The following NEDD4L variants were observed in gnomAD, a reference collection of about 807,000 sequenced individuals.
NEDD4L encodes NEDD4 like E3 ubiquitin protein ligase.
NEDD4L carries 54 observed loss-of-function variants against 148.9 expected under a neutral mutation model. The ratio of observed to expected loss-of-function variants is 0.36; its 90% confidence interval spans 0.29 to 0.45. NEDD4L has a LOEUF of 0.45. NEDD4L is among the 20% of genes least tolerant of loss of function. The probability of loss-of-function intolerance (pLI) is 1.00; values close to 1 mark genes in which losing one functional copy is unlikely to be tolerated. For synonymous variants in NEDD4L, 433 were observed against 440.7 expected (o/e 0.98, Z 0.22); for missense variants, 856 against 1,233.8 (o/e 0.69, Z 4.59).
chr18:58,169,453 G>A (rs1430717770), intron 2 of NEDD4L, among the ~76,000 whole-genome samples: 3 of 151,946 alleles, frequency 2.0e-5, no homozygotes, highest in Non-Finnish European at 4.4e-5. Flanking sequence ...GATGTAAATT[G>A]AGACTGCAGT....
chr18:58,208,123 G>T, intron 2 of NEDD4L, among the ~76,000 whole-genome samples: 1 of 152,274 alleles, frequency 6.6e-6, no homozygotes, highest in Middle Eastern at 3.4e-3. Flanking sequence ...CTACCAAAGA[G>T]TTCCTGTTCT....
At chr18:58,240,968 C>T (rs536855242) in intron 2 of NEDD4L, among the ~76,000 whole-genome samples, 1 of 152,236 alleles carries the variant, frequency 6.6e-6, no homozygotes, top group South Asian at 2.1e-4. Context: ...CACCACCACA[C>T]CCAGCTAATT....
chr18:58,381,241 C>G (rs1031180158), intron 24 of NEDD4L, among the ~76,000 whole-genome samples: 1 of 152,172 alleles, frequency 6.6e-6, no homozygotes, highest in African/African-American at 2.4e-5. Flanking sequence ...CAATTAGACT[C>G]CCACCCACAG....
chr18:58,058,658 G>A (rs1467767777), intron 1 of NEDD4L, among the ~76,000 whole-genome samples: 1 of 152,252 alleles, frequency 6.6e-6, no homozygotes, highest in East Asian at 1.9e-4. Flanking sequence ...CTGGACAGGG[G>A]TCAGGGACCA....
At chr18:58,292,546 G>A (rs991110897) in intron 5 of NEDD4L, among the ~76,000 whole-genome samples, 9 of 152,088 alleles carry the variant, frequency 5.9e-5, no homozygotes, top group South Asian at 2.1e-4. Flanking sequence ...CTACTCTCTC[G>A]TAGTACTTTA....
At chr18:58,383,185 CAAT>C (rs1347604001) in intron 24 of NEDD4L, 58 bp from the exon 25 acceptor site, 1 of 863,774 alleles carries the variant, frequency 1.2e-6, no homozygotes, top group African/African-American at 1.7e-5. Context: ...CATTGTCACT[CAAT>C]AATAATATGC....
At chr18:58,370,956 A>G (rs2046780232) in intron 23 of NEDD4L, among the ~76,000 whole-genome samples, 1 of 152,226 alleles carries the variant, frequency 6.6e-6, no homozygotes, top group East Asian at 1.9e-4. Context: ...GACGTTCTCC[A>G]AGTAGTGATT....
intron 11 of NEDD4L, among the ~76,000 whole-genome samples, chr18:58,331,459 ATGT>A (rs1210572977): frequency 1.3e-5 from 2 of 152,322 alleles, no homozygotes; most frequent in East Asian, 3.9e-4. Flanking sequence ...CCCTTGAGAA[ATGT>A]TGTGAAATTG....
At chr18:58,266,617 A>C (rs75667596) in intron 5 of NEDD4L, among the ~76,000 whole-genome samples, 1,659 of 152,264 alleles carry the variant, frequency 0.011, 26 homozygotes, top group Non-Finnish European at 0.018. Flanking sequence ...ATTAACAAGA[A>C]AGACAGAAAT....
At chr18:58,073,199 C>T (rs890955810) in intron 1 of NEDD4L, among the ~76,000 whole-genome samples, 3 of 151,344 alleles carry the variant, frequency 2.0e-5, no homozygotes, top group Admixed American at 6.6e-5. Flanking sequence ...AGTGCAATAC[C>T]TACAAAATCC....
chr18:58,179,414 A>C (rs2038568463), intron 2 of NEDD4L, among the ~76,000 whole-genome samples: 1 of 152,168 alleles, frequency 6.6e-6, no homozygotes, highest in Non-Finnish European at 1.5e-5. Flanking sequence ...GGGACCAAAG[A>C]GTCGTCCTTT....
intron 2 of NEDD4L, among the ~76,000 whole-genome samples, chr18:58,194,677 C>A (rs2147253245): frequency 6.6e-6 from 1 of 151,986 alleles, no homozygotes; most frequent in East Asian, 1.9e-4. Context: ...TTAAAATTGG[C>A]CTCCCTAATC....
rs144817023 is a variant in NEDD4L, at chr18:58,351,169, A to T, written c.1708+124A>T. 864 of 1,515,026 alleles carry T rather than the reference A, an allele frequency of 5.7e-4. 5 individuals carry two copies. In the African/African-American group the frequency reaches 0.01, roughly 18 times the overall value. The allele number at this position is 1,515,026 out of a possible 1,614,324, so 93.8% of individuals were successfully genotyped here. The stretch of plus-strand genomic sequence containing the variant: ...AGGCAGCCAGGTGTTATGTGGAGAA[A>T]ATGATACCAGAGAATCAGTGCCTTC... On this transcript the variant is annotated intron_variant, in intron 18 of 30. Transcript: ENST00000400345.
chr18:58,369,715 G>A (rs898600138), intron 22 of NEDD4L, among the ~76,000 whole-genome samples: 13 of 152,308 alleles, frequency 8.5e-5, no homozygotes, highest in East Asian at 1.9e-4. Context: ...GAGGAGGTGC[G>A]TGATGCCTTT....
intron 2 of NEDD4L, among the ~76,000 whole-genome samples, chr18:58,182,210 T>C (rs1048379983): frequency 1.3e-5 from 2 of 151,692 alleles, no homozygotes; most frequent in African/African-American, 2.4e-5. Context: ...GAAAACAGAG[T>C]AGGGGGTGCT....
chr18:58,329,207 C>A (rs2059581202), intron 10 of NEDD4L, 80 bp downstream of exon 10: 3 of 1,438,638 alleles, frequency 2.1e-6, no homozygotes, highest in Admixed American at 4.0e-5. Flanking sequence ...ATCATAATTT[C>A]TTCTGTCAGT....
At chr18:58,247,471 C>T (rs1225285031) in intron 3 of NEDD4L, 1 of 152,240 alleles carries the variant, frequency 6.6e-6, no homozygotes, top group African/African-American at 2.4e-5. Context: ...ACTTGGTTGC[C>T]TGCTGGATGT....
chr18:58,338,682 GA>G (rs1332325902), intron 13 of NEDD4L, among the ~76,000 whole-genome samples: 1 of 152,204 alleles, frequency 6.6e-6, no homozygotes, highest in Admixed American at 6.5e-5. Context: ...TTGGGAGGCT[GA>G]AGCGGGTGGA....
At chr18:58,345,209 C>CGAA (rs1444988356) in intron 16 of NEDD4L, among the ~76,000 whole-genome samples, 2 of 152,232 alleles carry the variant, frequency 1.3e-5, no homozygotes, top group Non-Finnish European at 2.9e-5. Flanking sequence ...ATTCCACAAG[C>CGAA]TACTCCCCTT....
Sources: gnomAD v4.1 joint callset for allele counts (sites outside exome capture counted in the v4.1 genomes callset) on GRCh38, gnomAD v4.1.1 for gene constraint, MANE v1.5 for transcripts, NCBI Gene and HGNC (gene_info 2026-07-23, HGNC 2026-07-21) for gene names.